DACH1: variants seen among roughly 807,000 people sequenced by gnomAD.
DACH1 encodes the protein dachshund homolog 1.
Under a neutral mutation model 54.2 loss-of-function variants are expected in DACH1, and 12 were observed. The ratio of observed to expected loss-of-function variants is 0.22; its 90% CI spans 0.14 to 0.36. DACH1 has a LOEUF of 0.36. Among genes scored for constraint, DACH1 ranks in the 10% least tolerant of loss-of-function variants. The pLI, the probability that DACH1 is intolerant of heterozygous loss-of-function variation, is 1.00. For synonymous variants in DACH1, 386 were observed against 366.2 expected (o/e 1.05, Z -0.62); for missense variants, 805 against 929.8 (o/e 0.87, Z 1.75).
chr13:71,785,627 A>G (rs1042500968), intron 1 of DACH1, among the ~76,000 whole-genome samples: 20 of 152,128 alleles, frequency 1.3e-4, no homozygotes, highest in Non-Finnish European at 2.4e-4. Context: ...AATATAGCTG[A>G]AAAGACTCTG....
chr13:71,824,653 C>A (rs1034233832), intron 1 of DACH1, among the ~76,000 whole-genome samples: 3 of 152,012 alleles, frequency 2.0e-5, no homozygotes, highest in Admixed American at 1.3e-4. Context: ...CACATCATTT[C>A]TTCTGCTTTG....
chr13:71,725,624 A>G (rs1429960663), intron 1 of DACH1, among the ~76,000 whole-genome samples: 3 of 152,150 alleles, frequency 2.0e-5, no homozygotes, highest in African/African-American at 4.8e-5. Flanking sequence ...TACTTTGATT[A>G]GTAGATGTTC....
At chr13:71,788,771 A>T (rs1260447029) in intron 1 of DACH1, among the ~76,000 whole-genome samples, 1 of 143,296 alleles carries the variant, frequency 7.0e-6, no homozygotes, top group Non-Finnish European at 1.5e-5. Flanking sequence ...CACAGCTCAT[A>T]ATTGGAAAAA....
intron 1 of DACH1, among the ~76,000 whole-genome samples, chr13:71,839,163 C>CT (rs575572335): frequency 6.6e-6 from 1 of 152,088 alleles, no homozygotes. Context: ...ATTAAGAATG[C>CT]TTTTTTTCTT....
In DACH1 at chr13:71,681,791, T is replaced by C. The variant is rs1314954939; in HGVS notation, c.964+4A>G. ...TTTTTGGCATAAGTGAGTAGCAGTC[T>C]TACCTGTTGGTGGAATTATCCCAGG... On this transcript the variant is annotated splice_donor_region_variant and intron_variant, in intron 2 of 10. Transcript: ENST00000613252. The C allele has an allele frequency of 6.2e-7, 1 of 1,611,312 alleles. No individual in the cohort carries two copies. Among genetic ancestry groups the C allele is most frequent in the African/African-American group, 1.3e-5 (1 of 74,860 alleles).
At position 71,637,784 on chromosome 13, in the gene DACH1, C is replaced by T. The variant is rs185335373; in HGVS notation, c.965-7067G>A. On this transcript the variant is annotated intron_variant, in intron 2 of 10. Coordinates refer to ENST00000613252, the MANE Select transcript of DACH1 (RefSeq NM_080759.6). Reference sequence around the variant, plus strand: ...TCTCTTTAAAAAAATGGAAAACTATCTCCATTTTATTTATTTCAAATAAGT... The same window carrying T: ...TCTCTTTAAAAAAATGGAAAACTATTTCCATTTTATTTATTTCAAATAAGT... Among the ~76,000 whole-genome samples the T allele has an allele frequency of 3.9e-5, 6 of 152,240 alleles. No homozygotes were observed. In the East Asian group the frequency reaches 1.2e-3, roughly 29 times the overall value.
At chr13:71,821,581 G>A (rs1240506568) in intron 1 of DACH1, among the ~76,000 whole-genome samples, 4 of 123,834 alleles carry the variant, frequency 3.2e-5, no homozygotes, top group African/African-American at 8.6e-5. Flanking sequence ...AATGCCTAAT[G>A]CCTACATTAG....
At position 71,865,207 on chromosome 13, in the gene DACH1, C is replaced by A. The variant is rs139870902; in HGVS notation, c.848+715G>T. Among the ~76,000 whole-genome samples, 270 of 152,288 alleles carry A rather than the reference C, an allele frequency of 1.8e-3. 2 individuals are homozygous for A. Among genetic ancestry groups the A allele is most frequent in the Middle Eastern group, 6.8e-3 (2 of 294 alleles). On this transcript the variant is annotated intron_variant, in intron 1 of 10. Coordinates refer to ENST00000613252, the MANE Select transcript of DACH1 (RefSeq NM_080759.6). Reference sequence around the variant, plus strand: ...TCACACGCGGACACACGCACACATGCGCGAACACACAGACCCCTCCCCTCG... The same window carrying A: ...TCACACGCGGACACACGCACACATGAGCGAACACACAGACCCCTCCCCTCG...
intron 10 of DACH1, among the ~76,000 whole-genome samples, chr13:71,449,669 T>C (rs1874837768): frequency 6.6e-6 from 1 of 152,162 alleles, no homozygotes; most frequent in African/African-American, 2.4e-5. Flanking sequence ...TCTGCACATG[T>C]ATCCCAGAGC....
At chr13:71,832,811 A>T (rs1356100429) in intron 1 of DACH1, among the ~76,000 whole-genome samples, 2 of 151,892 alleles carry the variant, frequency 1.3e-5, no homozygotes, top group East Asian at 3.9e-4. Context: ...TTCTCATTTC[A>T]ATTGTATTTA....
At chr13:71,781,506 G>A (rs1022075154) in intron 1 of DACH1, among the ~76,000 whole-genome samples, 1 of 151,854 alleles carries the variant, frequency 6.6e-6, no homozygotes, top group Non-Finnish European at 1.5e-5. Flanking sequence ...AGCCTCCCAA[G>A]TAGCTGAGAC....
chr13:71,835,740 T>C (rs77630225), intron 1 of DACH1, among the ~76,000 whole-genome samples: 12,265 of 152,058 alleles, frequency 0.081, 1,522 homozygotes, highest in African/African-American at 0.27. Flanking sequence ...TATGGTTACC[T>C]TATCTATGCC....
At chr13:71,461,919 C>T (rs917465566) in intron 10 of DACH1, among the ~76,000 whole-genome samples, 2 of 151,928 alleles carry the variant, frequency 1.3e-5, no homozygotes, top group Admixed American at 6.6e-5. Context: ...AAGATGACTT[C>T]ATAAGCCTTA....
intron 1 of DACH1, among the ~76,000 whole-genome samples, chr13:71,828,201 T>C (rs939994834): frequency 6.6e-6 from 1 of 151,880 alleles, no homozygotes; most frequent in African/African-American, 2.4e-5. Context: ...GGGACATTTA[T>C]TTTTTGCACT....
intron 1 of DACH1, among the ~76,000 whole-genome samples, chr13:71,726,763 C>T: frequency 6.6e-6 from 1 of 151,928 alleles, no homozygotes; most frequent in Middle Eastern, 3.5e-3. Context: ...TTATTTTATT[C>T]TAATTATATT....
At chr13:71,604,012 C>T (rs1175938312) in intron 3 of DACH1, among the ~76,000 whole-genome samples, 1 of 151,688 alleles carries the variant, frequency 6.6e-6, no homozygotes, top group South Asian at 2.1e-4. Context: ...CTAGTTTATG[C>T]CATTATGTCA....
At chr13:71,619,894 T>A (rs780978410) in intron 3 of DACH1, among the ~76,000 whole-genome samples, 1 of 151,920 alleles carries the variant, frequency 6.6e-6, no homozygotes, top group Non-Finnish European at 1.5e-5. Context: ...ACATGTATTT[T>A]AATATATTCT....
At chr13:71,591,067 T>C (rs903131370) in intron 3 of DACH1, among the ~76,000 whole-genome samples, 1 of 151,658 alleles carries the variant, frequency 6.6e-6, no homozygotes, top group African/African-American at 2.4e-5. Flanking sequence ...TTAGTAGAAA[T>C]GATGTTTCTC....
chr13:71,573,639 A>C, intron 3 of DACH1: 1 of 436,324 alleles, frequency 2.3e-6, no homozygotes, highest in South Asian at 7.7e-5. Flanking sequence ...GACTAACTTA[A>C]AATGAGTTTT....
Sources: gnomAD v4.1 joint callset for allele counts (sites outside exome capture counted in the v4.1 genomes callset) on GRCh38, gnomAD v4.1.1 for gene constraint, MANE v1.5 for transcripts, NCBI Gene and HGNC (gene_info 2026-07-23, HGNC 2026-07-21) for gene names.